The following C5orf22 variants were observed in gnomAD, a reference collection of about 807,000 sequenced individuals.
The protein encoded by C5orf22 is UPF0489 protein C5orf22.
Under a neutral mutation model 48.7 loss-of-function variants are expected in C5orf22, and 36 were observed. The ratio of observed to expected loss-of-function variants is 0.74; its 90% CI spans 0.57 to 0.98. The LOEUF (loss-of-function observed/expected upper bound fraction) is 0.98, where lower values mean the gene tolerates loss of function less well. Among genes scored for constraint, C5orf22 ranks in the 50% least tolerant of loss-of-function variants. C5orf22 has a pLI of 0.00. For synonymous variants in C5orf22, 141 were observed against 180.8 expected (o/e 0.78, Z 1.76); for missense variants, 486 against 521.9 (o/e 0.93, Z 0.67).
In C5orf22 at chr5:31,537,167, A is replaced by G. The variant is rs151316896; in HGVS notation, c.378-1093A>G. ...TCAGTGAGTAGGCCTGATTTAACCT[A>G]CAAAATCAAATAATTTTCAGCAATC... On this transcript the variant is annotated intron_variant, in intron 3 of 8. Transcript: ENST00000325366. 1.5e-3 allele frequency among the ~76,000 whole-genome samples: 224 copies of G among 152,322 alleles called. 5 individuals carry two copies. In the East Asian group the frequency reaches 0.038, roughly 26 times the overall value.
At chr5:31,545,764 C>T (rs1742844674) in intron 7 of C5orf22, 52 bp downstream of exon 7, 4 of 1,202,804 alleles carry the variant, frequency 3.3e-6, no homozygotes, top group Admixed American at 4.1e-5. Context: ...AGACAATTTT[C>T]TGGGTAGAAG....
chr5:31,535,191 A>G (rs1461139669), intron 2 of C5orf22: 1 of 340,642 alleles, frequency 2.9e-6, no homozygotes, highest in Non-Finnish European at 5.8e-6. Flanking sequence ...TTCAGTATCA[A>G]GTGTGAATAA....
At chr5:31,541,146 GTGTA>G in intron 5 of C5orf22, 131 bp from the exon 6 acceptor site, 1 of 914,908 alleles carries the variant, frequency 1.1e-6, no homozygotes, top group Non-Finnish European at 1.7e-6. Flanking sequence ...GTGTGTGTGT[GTGTA>G]TTGGCGAAGC....
In C5orf22 at chr5:31,541,307, T is replaced by C. The variant is rs1311755020; in HGVS notation, c.897T>C (p.Thr299=). 3.7e-6 allele frequency: 6 copies of C among 1,610,770 alleles called. No homozygotes were observed. The highest frequency in any genetic ancestry group is 5.1e-6 in the Non-Finnish European group (6 of 1,176,958). ...AAGATTTGGTAGATATTGTTGATACTCGAATTCATCAATTAGAGGATTTAG... is the reference window on the plus strand; with the variant it reads ...AAGATTTGGTAGATATTGTTGATACCCGAATTCATCAATTAGAGGATTTAG... ...TEEDLVDIVD[T]RIHQLEDLEA... The change falls in exon 6 of 9, where the codon ACT becomes ACC. Residue 299 remains threonine, a synonymous_variant. Coordinates refer to ENST00000325366, the MANE Select transcript of C5orf22 (RefSeq NM_018356.3).
chr5:31,543,170 T>A (rs911948028), intron 6 of C5orf22, among the ~76,000 whole-genome samples: 1 of 152,218 alleles, frequency 6.6e-6, no homozygotes, highest in Non-Finnish European at 1.5e-5. Flanking sequence ...CCCTAAAATG[T>A]AAACATCATA....
chr5:31,541,318 A>T lies in C5orf22; in HGVS notation c.908A>T (p.Gln303Leu). The change falls in exon 6 of 9, where the codon CAA becomes CTA. Residue 303 changes from glutamine (Q) to leucine (L), a missense_variant. Gln to Leu is a moderately radical substitution (Grantham distance 113). This residue lies in a region of C5orf22 where 408 missense variants were observed against 444.0 expected (regional missense o/e 0.92). Coordinates refer to ENST00000325366, the MANE Select transcript of C5orf22 (RefSeq NM_018356.3). ...GATATTGTTGATACTCGAATTCATC[A>T]ATTAGAGGATTTAGAAGCCACTTTC... is the stretch of plus-strand genomic sequence containing the variant. ...LVDIVDTRIHQLEDLEATFAD... is the reference protein window; with the variant it reads ...LVDIVDTRIHLLEDLEATFAD... 2 of 1,612,160 alleles carry T rather than the reference A, an allele frequency of 1.2e-6. No homozygotes were observed. Among genetic ancestry groups the T allele is most frequent in the Admixed American group, 1.7e-5 (1 of 59,994 alleles).
rs1185700485 is a variant in C5orf22 at position 31,554,396 on chromosome 5, T to C, written c.*1494T>C. On this transcript the variant is annotated 3_prime_UTR_variant, in exon 9 of 9. Coordinates refer to ENST00000325366, the MANE Select transcript of C5orf22 (RefSeq NM_018356.3). ...CCTGACCCCATTTTTCCAAGGATTC[T>C]ATTTTCCAGTGAATTTTTGTCACCG... 6.6e-6 allele frequency: 1 copy of C among 152,236 alleles called. No homozygotes were observed. Among genetic ancestry groups the C allele is most frequent in the East Asian group, 1.9e-4 (1 of 5,196 alleles). The allele number at this position is 152,236 out of a possible 1,614,324, so 9.4% of individuals were successfully genotyped here.
chr5:31,534,929 G>A, intron 2 of C5orf22: 1 of 429,630 alleles, frequency 2.3e-6, no homozygotes, highest in South Asian at 1.7e-5. Flanking sequence ...CCTAGCCAAT[G>A]TTTAATCCTT....
intron 5 of C5orf22, 96 bp downstream of exon 5, chr5:31,541,107 TGTGTG>T: frequency 1.9e-5 from 1 of 51,292 alleles, no homozygotes; most frequent in Non-Finnish European, 4.7e-5. Context: ...CTGCTCAAAG[TGTGTG>T]TGTGTGTGTG....
chr5:31,537,978 C>G (rs1320415619), intron 3 of C5orf22, among the ~76,000 whole-genome samples: 1 of 152,216 alleles, frequency 6.6e-6, no homozygotes, highest in Admixed American at 6.5e-5. Flanking sequence ...GAGAACAAAG[C>G]TCTGCATGCT....
At chr5:31,545,828 A>C (rs1742846503) in intron 7 of C5orf22, 116 bp downstream of exon 7, 2 of 631,800 alleles carry the variant, frequency 3.2e-6, no homozygotes, top group Non-Finnish European at 5.5e-6. Flanking sequence ...GTGAAGTCTG[A>C]AACAATTATT....
At chr5:31,535,389 G>T (rs566909778) in intron 2 of C5orf22, among the ~76,000 whole-genome samples, 2 of 152,118 alleles carry the variant, frequency 1.3e-5, no homozygotes, top group Non-Finnish European at 2.9e-5. Context: ...ATAAAATCAA[G>T]ATGTTCTCGA....
At chr5:31,537,562 G>A (rs1742173353) in intron 3 of C5orf22, among the ~76,000 whole-genome samples, 1 of 152,156 alleles carries the variant, frequency 6.6e-6, no homozygotes, top group Non-Finnish European at 1.5e-5. Flanking sequence ...GGTAAGGCAT[G>A]CCTCTAGAAG....
At position 31,534,425 on chromosome 5, in the gene C5orf22, G is replaced by C. The variant is rs1362553928; in HGVS notation, c.227+8G>C. 1 of 1,598,784 alleles carries C rather than the reference G, an allele frequency of 6.3e-7. No individual in the cohort carries two copies. Among genetic ancestry groups the C allele is most frequent in the Non-Finnish European group, 8.5e-7 (1 of 1,175,002 alleles). ...TAAGGAAACACTCTTTGGGTAATAT[G>C]TGATTTTATTTATGGTCTTTTGTGT... On this transcript the variant is annotated splice_region_variant and intron_variant, in intron 2 of 8. Transcript: ENST00000325366.
chr5:31,541,496 T>G, intron 6 of C5orf22, 94 bp downstream of exon 6: 1 of 1,394,006 alleles, frequency 7.2e-7, no homozygotes, highest in South Asian at 1.3e-5. Flanking sequence ...TTTAAAAAAG[T>G]AGTATTCAGC....
intron 1 of C5orf22, among the ~76,000 whole-genome samples, chr5:31,533,975 A>G (rs1405672765): frequency 1.3e-5 from 2 of 152,162 alleles, no homozygotes; most frequent in Admixed American, 1.3e-4. Flanking sequence ...AACAGGCATT[A>G]AGCGGTAGTT....
At chr5:31,540,611 A>G (rs1580444525) in intron 4 of C5orf22, among the ~76,000 whole-genome samples, 3 of 152,362 alleles carry the variant, frequency 2.0e-5, no homozygotes, top group South Asian at 4.1e-4. Flanking sequence ...GCATTTATAT[A>G]GCAGAATATT....
chr5:31,537,549 G>T (rs745873419), intron 3 of C5orf22, among the ~76,000 whole-genome samples: 43 of 152,150 alleles, frequency 2.8e-4, no homozygotes, highest in Non-Finnish European at 5.3e-4. Context: ...ATGATTTTAG[G>T]TGGGTAAGGC....
chr5:31,536,533 C>CAA (rs1237945949), intron 3 of C5orf22, among the ~76,000 whole-genome samples: 1 of 151,550 alleles, frequency 6.6e-6, no homozygotes, highest in Non-Finnish European at 1.5e-5. Context: ...AAAAACAAAA[C>CAA]AAAAAACAAA....
Sources: allele counts gnomAD v4.1 joint callset (sites outside exome capture counted in the v4.1 genomes callset), GRCh38; gene constraint gnomAD v4.1.1; regional missense constraint gnomAD v4.1.1; transcripts MANE v1.5; gene names NCBI Gene and HGNC (gene_info 2026-07-23, HGNC 2026-07-21).